MYOM1: variants seen among roughly 807,000 people sequenced by gnomAD.
MYOM1 encodes myomesin-1.
MYOM1 carries 164 observed loss-of-function variants against 205.3 expected under a neutral mutation model. The observed-to-expected ratio is 0.80, with a 90% confidence interval of 0.70 to 0.91. MYOM1 has a LOEUF of 0.91. Among genes scored for constraint, MYOM1 ranks in the 40% least tolerant of loss-of-function variants. MYOM1 has a pLI of 0.00. For missense variants in MYOM1, 2,011 were observed against 2,127.3 expected, an observed-to-expected ratio of 0.95 and a Z score of 1.08; for synonymous variants, 772 against 789.4, an observed-to-expected ratio of 0.98 and a Z score of 0.37.
chr18:3,200,997 G>T (rs1016119134), intron 2 of MYOM1, among the ~76,000 whole-genome samples: 2 of 152,142 alleles, frequency 1.3e-5, no homozygotes, highest in Admixed American at 6.5e-5. Flanking sequence ...AGAGTAAAAT[G>T]ATTCTTTACA....
Position 3,151,891 on chromosome 18 carries a change from C to T in MYOM1, c.1646G>A (p.Cys549Tyr). ...CGACCAGCTATCTGTGCCCACCTCACACCTAAAGGAATGAGCGTGATTGAC... is the reference window on the plus strand; with the variant it reads ...CGACCAGCTATCTGTGCCCACCTCATACCTAAAGGAATGAGCGTGATTGAC... ...SPILGYFIDK[C>Y]EVGTDSWSQC... Residue 549 changes from cysteine to tyrosine, a missense_variant and splice_region_variant, in exon 12 of 38, where the codon TGT (cysteine) becomes TAT (tyrosine). By Grantham distance (194) the Cys-to-Tyr change is radical (BLOSUM62 -2). Coordinates refer to ENST00000356443, the MANE Select transcript of MYOM1 (RefSeq NM_003803.4). The T allele has an allele frequency of 1.2e-6, 2 of 1,611,284 alleles. No homozygotes were observed. The highest frequency in any genetic ancestry group is 2.2e-5 in the South Asian group (2 of 90,768).
intron 19 of MYOM1, among the ~76,000 whole-genome samples, chr18:3,125,865 C>T (rs1353407701): frequency 2.6e-5 from 4 of 152,156 alleles, no homozygotes; most frequent in Non-Finnish European, 5.9e-5. Flanking sequence ...ACATGTGAGG[C>T]CACCCTTTGT....
intron 20 of MYOM1, among the ~76,000 whole-genome samples, chr18:3,117,058 T>C (rs1382741851): frequency 6.6e-6 from 1 of 152,096 alleles, no homozygotes; most frequent in African/African-American, 2.4e-5. Context: ...GGTCTTGCTG[T>C]GTTGACCAGG....
At chr18:3,203,158 G>A (rs1171245121) in intron 2 of MYOM1, among the ~76,000 whole-genome samples, 1 of 151,110 alleles carries the variant, frequency 6.6e-6, no homozygotes, top group East Asian at 1.9e-4. Context: ...TACTTAGAGG[G>A]ACATATATAG....
At chr18:3,188,116 C>T (rs2144145517) in intron 4 of MYOM1, among the ~76,000 whole-genome samples, 1 of 152,126 alleles carries the variant, frequency 6.6e-6, no homozygotes, top group Non-Finnish European at 1.5e-5. Flanking sequence ...ACTGGGATTA[C>T]AGGTGTGAGC....
At chr18:3,111,597 A>G (rs1341793564) in intron 22 of MYOM1, among the ~76,000 whole-genome samples, 14 of 152,230 alleles carry the variant, frequency 9.2e-5, no homozygotes. Flanking sequence ...ATAGTTGAAA[A>G]AATTGAAAGA....
At chr18:3,090,424 T>C (rs990541334) in intron 27 of MYOM1, among the ~76,000 whole-genome samples, 3 of 152,016 alleles carry the variant, frequency 2.0e-5, no homozygotes, top group African/African-American at 7.2e-5. Context: ...TTCACCATGT[T>C]GGCCAGGCTG....
intron 9 of MYOM1, 56 bp from the exon 10 acceptor site, chr18:3,164,495 C>T: frequency 6.9e-7 from 1 of 1,459,742 alleles, no homozygotes; most frequent in Non-Finnish European, 9.2e-7. Context: ...TAACTTCCTT[C>T]TTGTCTCCCC....
At position 3,187,543 on chromosome 18, in the gene MYOM1, C is replaced by G; in HGVS notation, c.866G>C (p.Trp289Ser). Residue 289 changes from tryptophan (W) to serine (S), a missense_variant, in exon 5 of 38, where the codon TGG becomes TCG. Trp to Ser is a radical substitution (Grantham distance 177). Coordinates refer to ENST00000356443, the MANE Select transcript of MYOM1 (RefSeq NM_003803.4). Reference sequence around the variant, plus strand: ...ATGCAATTTTACATTCTCCTTCTCCCAAACCGTGTGGGAGCGAGGTTTAAT... The same window carrying G: ...ATGCAATTTTACATTCTCCTTCTCCGAAACCGTGTGGGAGCGAGGTTTAAT... ...FIIKPRSHTV[W>S]EKENVKLHCS... 2.5e-6 allele frequency: 4 copies of G among 1,613,892 alleles called. No homozygotes were observed. The highest frequency in any genetic ancestry group is 3.4e-6 in the Non-Finnish European group (4 of 1,179,834).
chr18:3,131,092 T>A (rs1443307027), intron 17 of MYOM1, among the ~76,000 whole-genome samples: 1 of 152,188 alleles, frequency 6.6e-6, no homozygotes, highest in Non-Finnish European at 1.5e-5. Flanking sequence ...AGGATGAGCA[T>A]GAAGTTAGAA....
chr18:3,118,295 C>A (rs1477452445), intron 20 of MYOM1, among the ~76,000 whole-genome samples: 5 of 152,120 alleles, frequency 3.3e-5, no homozygotes, highest in Non-Finnish European at 7.3e-5. Flanking sequence ...CTGCCCCCTC[C>A]ATTTCTTCTC....
At chr18:3,111,571 G>T (rs7505747) in intron 22 of MYOM1, among the ~76,000 whole-genome samples, 75,964 of 151,942 alleles carry the variant, frequency 0.5, 19,357 homozygotes, top group East Asian at 0.62. Flanking sequence ...GCTAAGAATG[G>T]TTTTTATATT....
At chr18:3,104,233 G>A (rs1382915316) in intron 22 of MYOM1, among the ~76,000 whole-genome samples, 3 of 152,042 alleles carry the variant, frequency 2.0e-5, no homozygotes, top group African/African-American at 7.3e-5. Flanking sequence ...GGTTTAGACT[G>A]TATTATAATA....
intron 37 of MYOM1, among the ~76,000 whole-genome samples, chr18:3,070,955 C>T (rs1197508310): frequency 6.6e-6 from 1 of 151,940 alleles, no homozygotes; most frequent in East Asian, 1.9e-4. Context: ...GATGGGGTTT[C>T]GTCGTGTTGC....
intron 36 of MYOM1, among the ~76,000 whole-genome samples, chr18:3,074,247 T>C (rs529859481): frequency 6.6e-6 from 1 of 152,244 alleles, no homozygotes. Context: ...CTCTGTCCCT[T>C]ACCCCCAGCT....
chr18:3,140,373 C>T (rs574339131), intron 14 of MYOM1, among the ~76,000 whole-genome samples: 52 of 151,422 alleles, frequency 3.4e-4, no homozygotes, highest in African/African-American at 1.2e-3. Context: ...TGCCATTGCA[C>T]TCCAGCCTGG....
At chr18:3,235,707 G>C in the MYOM1 span, among the ~76,000 whole-genome samples, 1 of 152,208 alleles carries the variant, frequency 6.6e-6, no homozygotes, top group East Asian at 1.9e-4. Flanking sequence ...AGGGGAGACA[G>C]ATGGTAAACA....
intron 2 of MYOM1, among the ~76,000 whole-genome samples, chr18:3,194,489 A>T (rs2080966261): frequency 6.6e-6 from 1 of 152,230 alleles, no homozygotes; most frequent in African/African-American, 2.4e-5. Flanking sequence ...TTATGGGAAC[A>T]CACGATGCCG....
intron 5 of MYOM1, among the ~76,000 whole-genome samples, chr18:3,181,698 C>T (rs1213113175): frequency 1.4e-5 from 2 of 147,582 alleles, no homozygotes; most frequent in South Asian, 2.1e-4. Flanking sequence ...CTTTAAGTAT[C>T]TATTTGACAA....
Sources: allele counts gnomAD v4.1 joint callset (sites outside exome capture counted in the v4.1 genomes callset), GRCh38; gene constraint gnomAD v4.1.1; transcripts MANE v1.5; gene names NCBI Gene and HGNC (gene_info 2026-07-23, HGNC 2026-07-21).